Variants in QTMAN observed in about 807,000 individuals in gnomAD.
QTMAN encodes tRNA-queuosine alpha-mannosyltransferase.
chr2:144,255,138 T>A, the QTMAN span, among the ~76,000 whole-genome samples: 1 of 152,160 alleles, frequency 6.6e-6, no homozygotes. Flanking sequence ...TGGAAAGGCA[T>A]GATTGTGTTT....
the QTMAN span, among the ~76,000 whole-genome samples, chr2:144,020,474 ACC>A: frequency 5.5e-4 from 83 of 152,148 alleles, no homozygotes; most frequent in African/African-American, 2.0e-3. Flanking sequence ...GATACAGAAA[ACC>A]CTCTGTCCTT....
At chr2:144,229,324 T>C in the QTMAN span, among the ~76,000 whole-genome samples, 15 of 152,360 alleles carry the variant, frequency 9.8e-5, no homozygotes, top group African/African-American at 3.6e-4. Context: ...TCTGCCTTTT[T>C]TGTTGAAATA....
At chr2:144,302,983 T>C in the QTMAN span, among the ~76,000 whole-genome samples, 1 of 152,142 alleles carries the variant, frequency 6.6e-6, no homozygotes, top group Non-Finnish European at 1.5e-5. Flanking sequence ...ACACCTGTAA[T>C]GCCAGCTACT....
the QTMAN span, among the ~76,000 whole-genome samples, chr2:144,244,506 GT>G: frequency 6.6e-6 from 1 of 152,190 alleles, no homozygotes; most frequent in African/African-American, 2.4e-5. Context: ...AGAAACAACA[GT>G]TGGGGGAGGC....
the QTMAN span, among the ~76,000 whole-genome samples, chr2:144,062,533 A>C: frequency 6.6e-6 from 1 of 152,200 alleles, no homozygotes; most frequent in Non-Finnish European, 1.5e-5. Flanking sequence ...TGAGTTCTTA[A>C]TGTTAGCAGC....
chr2:143,971,291 C>G, the QTMAN span, among the ~76,000 whole-genome samples: 2 of 152,036 alleles, frequency 1.3e-5, no homozygotes, highest in African/African-American at 2.4e-5. Flanking sequence ...TAGAGACCCT[C>G]TCACTAATCT....
At chr2:144,202,084 G>A in the QTMAN span, among the ~76,000 whole-genome samples, 1 of 152,138 alleles carries the variant, frequency 6.6e-6, no homozygotes, top group Non-Finnish European at 1.5e-5. Context: ...AAACACCAGG[G>A]CCTGAACAAC....
At chr2:144,040,974 T>C in the QTMAN span, among the ~76,000 whole-genome samples, 2 of 152,242 alleles carry the variant, frequency 1.3e-5, no homozygotes, top group African/African-American at 4.8e-5. Context: ...GAAAATATTT[T>C]AGTATATTTT....
At chr2:144,203,987 A>T in the QTMAN span, among the ~76,000 whole-genome samples, 11 of 151,686 alleles carry the variant, frequency 7.3e-5, no homozygotes, top group African/African-American at 2.2e-4. Context: ...CCTTATACAA[A>T]AATTAATTCA....
the QTMAN span, among the ~76,000 whole-genome samples, chr2:144,027,322 C>T: frequency 6.6e-6 from 1 of 152,178 alleles, no homozygotes; most frequent in African/African-American, 2.4e-5. Flanking sequence ...TCGGGTTTTA[C>T]TTGTATATCA....
chr2:144,108,077 A>G, the QTMAN span, among the ~76,000 whole-genome samples: 2 of 152,204 alleles, frequency 1.3e-5, no homozygotes, highest in African/African-American at 4.8e-5. Context: ...AAAACTCTCG[A>G]TAAATTAGGT....
At chr2:144,180,592 T>A in the QTMAN span, among the ~76,000 whole-genome samples, 1 of 152,202 alleles carries the variant, frequency 6.6e-6, no homozygotes, top group Non-Finnish European at 1.5e-5. Context: ...GTCAAATAAT[T>A]ACAATTTTAA....
chr2:144,245,484 T>G, the QTMAN span, among the ~76,000 whole-genome samples: 1 of 152,180 alleles, frequency 6.6e-6, no homozygotes, highest in Non-Finnish European at 1.5e-5. Context: ...TAAGAAAGAC[T>G]CTGGTAAAAT....
chr2:144,133,142 TA>T, the QTMAN span, among the ~76,000 whole-genome samples: 1 of 54,178 alleles, frequency 1.8e-5, no homozygotes, highest in African/African-American at 1.4e-4. Flanking sequence ...TATATATATA[TA>T]TATATATAAT....
At chr2:144,231,211 C>T in the QTMAN span, among the ~76,000 whole-genome samples, 2 of 152,098 alleles carry the variant, frequency 1.3e-5, no homozygotes, top group Non-Finnish European at 2.9e-5. Flanking sequence ...ATTTTGACCA[C>T]ATAAACTTAA....
the QTMAN span, among the ~76,000 whole-genome samples, chr2:143,982,533 C>A: frequency 4.6e-5 from 7 of 151,620 alleles, no homozygotes; most frequent in Middle Eastern, 3.4e-3. Context: ...CCATGCCTGG[C>A]CACCAGAACA....
At chr2:144,254,560 C>T in the QTMAN span, among the ~76,000 whole-genome samples, 2 of 152,212 alleles carry the variant, frequency 1.3e-5, no homozygotes, top group South Asian at 2.1e-4. Flanking sequence ...AGAACTTCTG[C>T]TTTGGCAGTG....
chr2:144,170,456 G>A, the QTMAN span, among the ~76,000 whole-genome samples: 5 of 152,162 alleles, frequency 3.3e-5, no homozygotes, highest in Admixed American at 1.3e-4. Flanking sequence ...CCAGATGGAT[G>A]ATGCAAAGGG....
chr2:144,284,218 C>T, the QTMAN span, among the ~76,000 whole-genome samples: 1 of 151,838 alleles, frequency 6.6e-6, no homozygotes, highest in Non-Finnish European at 1.5e-5. Context: ...TATTCACATA[C>T]TTTTATCCAG....
Sources: gnomAD v4.1 joint callset for allele counts (sites outside exome capture counted in the v4.1 genomes callset) on GRCh38, gnomAD v4.1.1 for gene constraint, MANE v1.5 for transcripts, NCBI Gene and HGNC (gene_info 2026-07-23, HGNC 2026-07-21) for gene names.